The following MYL3 variants were observed in gnomAD, a reference collection of about 807,000 sequenced individuals.
MYL3 encodes the protein CMLC1.
MYL3 carries 11 observed loss-of-function variants against 21.3 expected under a neutral mutation model. The observed-to-expected ratio is 0.52, with a 90% CI of 0.32 to 0.85. The LOEUF (loss-of-function observed/expected upper bound fraction) is 0.85, where lower values mean the gene tolerates loss of function less well. MYL3 is among the 40% of genes least tolerant of loss of function. MYL3 has a pLI of 0.03. For missense variants in MYL3, 206 were observed against 253.3 expected (o/e 0.81, Z 1.27); for synonymous variants, 88 against 91.6 (o/e 0.96, Z 0.22).
At chr3:46,862,673 T>C (rs1010354973) in intron 1 of MYL3, among the ~76,000 whole-genome samples, 20 of 152,206 alleles carry the variant, frequency 1.3e-4, no homozygotes, top group Non-Finnish European at 1.5e-5. Flanking sequence ...CTGGGGCCAC[T>C]GGTCATAGCT....
In MYL3 at chr3:46,863,313, G is replaced by A. The variant is rs764784092; in HGVS notation, c.78C>T (p.Pro26=). Residue 26 remains proline, a synonymous_variant, in exon 1 of 7, where the codon CCC becomes CCT. Transcript: ENST00000292327. Reference sequence around the variant, plus strand: ...CCTCCTTAGGGCGCTCAGGCTCAGGGGGAGGTGCGGGAGCTGGAGCTGCCT... The same window carrying A: ...CCTCCTTAGGGCGCTCAGGCTCAGGAGGAGGTGCGGGAGCTGGAGCTGCCT... The part of the protein sequence containing the change: ...APKAAPAPAP[P]PEPERPKEVE... The A allele has an allele frequency of 7.4e-6, 12 of 1,614,062 alleles. No homozygotes were observed. Among genetic ancestry groups the A allele is most frequent in the Non-Finnish European group, 7.6e-6 (9 of 1,180,024 alleles).
chr3:46,860,444 T>A lies in MYL3; in HGVS notation c.307+232A>T, dbSNP rs1701978552. ...CGACCTTCTCACTTCTCCATAGGTGTCAGCGCCTACCACCAGGGGGCCTGG... is the reference window on the plus strand; with the variant it reads ...CGACCTTCTCACTTCTCCATAGGTGACAGCGCCTACCACCAGGGGGCCTGG... On this transcript the variant is annotated intron_variant, in intron 3 of 6. Transcript: ENST00000292327. This position sits in a 1 kb window ranked among gnomAD's most constrained non-coding sequence, Gnocchi z 4.6. Among the ~76,000 whole-genome samples, 1 of 152,186 alleles carries A rather than the reference T, an allele frequency of 6.6e-6. No individual in the cohort carries two copies. Among genetic ancestry groups the A allele is most frequent in the South Asian group, 2.1e-4 (1 of 4,828 alleles).
Position 46,861,551 on chromosome 3 carries a change from G to A in MYL3, c.130-564C>T, listed in dbSNP as rs886495802. Among the ~76,000 whole-genome samples, 2 of 152,136 alleles carry A rather than the reference G, an allele frequency of 1.3e-5. No homozygotes were observed. The highest frequency in any genetic ancestry group is 2.4e-5 in the African/African-American group (1 of 41,418). ...CTCACAGAGCCCCCTAAGCCCTAAA[G>A]ACCAGGCAGTCACTCACCAGCCCCA... is the stretch of plus-strand genomic sequence containing the variant. On this transcript the variant is annotated intron_variant, in intron 1 of 6. Coordinates refer to ENST00000292327, the MANE Select transcript of MYL3 (RefSeq NM_000258.3). This position sits in a 1 kb window ranked among gnomAD's most constrained non-coding sequence, Gnocchi z 4.2.
In MYL3 at chr3:46,874,061, G is replaced by A. The variant is rs1428053103; in HGVS notation, c.-217-7461C>T. 2.0e-5 allele frequency among the ~76,000 whole-genome samples: 3 copies of A among 152,242 alleles called. No individual in the cohort carries two copies. Among genetic ancestry groups the A allele is most frequent in the Non-Finnish European group, 2.9e-5 (2 of 68,042 alleles). ...GCTCACCTCAGAGGGCACGGGTGTC[G>A]GAAGGCCTGGAGACTTGCTCTGGAT... On this transcript the variant is annotated intron_variant, in intron 1 of 3. Transcript: ENST00000431168. This position sits in a 1 kb window ranked among gnomAD's most constrained non-coding sequence, Gnocchi z 4.1.
chr3:46,875,792 G>A (rs565953388), intron 1 of MYL3, among the ~76,000 whole-genome samples: 1 of 152,336 alleles, frequency 6.6e-6, no homozygotes, highest in South Asian at 2.1e-4. Flanking sequence ...TTGGCATCCA[G>A]GCGTTCTGAA....
At chr3:46,868,457 C>T (rs565700973) in intron 1 of MYL3, among the ~76,000 whole-genome samples, 13 of 152,232 alleles carry the variant, frequency 8.5e-5, no homozygotes, top group Admixed American at 2.6e-4. Flanking sequence ...GATGCTCCAA[C>T]CTTGTGGTTC....
upstream of MYL3, among the ~76,000 whole-genome samples, chr3:46,866,142 C>A (rs1702046815): frequency 6.6e-6 from 1 of 152,006 alleles, no homozygotes; most frequent in Non-Finnish European, 1.5e-5. Flanking sequence ...CAGCAGTTGG[C>A]GGTAAGAACA....
At chr3:46,877,960 T>C (rs1365201576) in intron 1 of MYL3, 1 of 152,284 alleles carries the variant, frequency 6.6e-6, no homozygotes, top group Non-Finnish European at 1.5e-5. Flanking sequence ...AGACAAGACA[T>C]GCCCGCATGG....
intron 1 of MYL3, among the ~76,000 whole-genome samples, chr3:46,881,917 C>T (rs2030597758): frequency 6.6e-6 from 1 of 152,094 alleles, no homozygotes; most frequent in African/African-American, 2.4e-5. Flanking sequence ...CTTCTCGGCT[C>T]AGGGTCTCTA....
upstream of MYL3, among the ~76,000 whole-genome samples, chr3:46,864,279 T>C (rs1392512355): frequency 1.3e-5 from 2 of 152,050 alleles, no homozygotes; most frequent in Non-Finnish European, 2.9e-5. The surrounding 1 kb of genome is among the most constrained non-coding windows in gnomAD (Gnocchi z 4.7). Flanking sequence ...CAGGCAGCTG[T>C]AGCCCTGGCT....
chr3:46,863,678 C>T (rs1405846297), upstream of MYL3, among the ~76,000 whole-genome samples: 5 of 152,270 alleles, frequency 3.3e-5, no homozygotes, highest in Admixed American at 3.3e-4. Context: ...ACAAAGGCCA[C>T]TGCTTAACAC....
At chr3:46,867,550 C>G (rs1702057975), upstream of MYL3, among the ~76,000 whole-genome samples, 1 of 152,240 alleles carries the variant, frequency 6.6e-6, no homozygotes, top group African/African-American at 2.4e-5. Flanking sequence ...GAGGTAAGGG[C>G]CAGCTGTCCC....
upstream of MYL3, among the ~76,000 whole-genome samples, chr3:46,864,982 G>C (rs575806546): frequency 6.6e-6 from 1 of 152,314 alleles, no homozygotes; most frequent in South Asian, 2.1e-4. The surrounding 1 kb of genome is among the most constrained non-coding windows in gnomAD (Gnocchi z 4.7). Flanking sequence ...AGGTGCTCCT[G>C]GTTACTTTTA....
chr3:46,878,358 C>CGA (rs150092726), intron 1 of MYL3, among the ~76,000 whole-genome samples: 2,610 of 152,230 alleles, frequency 0.017, 73 homozygotes, highest in African/African-American at 0.058. Flanking sequence ...GCCTAGAAGC[C>CGA]GAGAGAGGTC....
intron 1 of MYL3, among the ~76,000 whole-genome samples, chr3:46,871,341 G>A (rs1307466231): frequency 6.6e-6 from 1 of 152,098 alleles, no homozygotes; most frequent in Non-Finnish European, 1.5e-5. Context: ...GTTCACAGAA[G>A]GGGAAACAGA....
At position 46,859,684 on chromosome 3, in the gene MYL3, G is replaced by T; in HGVS notation, c.308-36C>A. On this transcript the variant is annotated intron_variant, in intron 3 of 6. Transcript: ENST00000292327. The surrounding 1 kb of genome is among the most constrained non-coding windows in gnomAD (Gnocchi z 4.1). ...ATGGTCCCAGGTTCCAGGGTCTAAG[G>T]CTGGGGTGGGCACACCCCTCCCCCA... is the stretch of plus-strand genomic sequence containing the variant. The T allele has an allele frequency of 6.2e-7, 1 of 1,612,448 alleles. No individual in the cohort carries two copies. Among genetic ancestry groups the T allele is most frequent in the Non-Finnish European group, 8.5e-7 (1 of 1,178,596 alleles).
intron 1 of MYL3, among the ~76,000 whole-genome samples, chr3:46,871,821 C>T (rs573471077): frequency 1.5e-4 from 23 of 152,348 alleles, no homozygotes; most frequent in African/African-American, 5.3e-4. Flanking sequence ...GAGGTAAATA[C>T]CTCTGTGCCC....
chr3:46,864,174 G>A (rs1242300447), upstream of MYL3, among the ~76,000 whole-genome samples: 1 of 152,034 alleles, frequency 6.6e-6, no homozygotes, highest in African/African-American at 2.4e-5. This position sits in a 1 kb window ranked among gnomAD's most constrained non-coding sequence, Gnocchi z 4.7. Context: ...TGCGTGGTGT[G>A]TCTATGTGTC....
In MYL3 at chr3:46,859,451, G is replaced by C; in HGVS notation, c.481+24C>G. ...CCAGGATGTCCCTGGAAGGAGTTGG[G>C]GTAGGGGAGGAGGCTGCCCTCACCC... On this transcript the variant is annotated intron_variant, in intron 4 of 6. Transcript: ENST00000292327. The surrounding 1 kb of genome is among the most constrained non-coding windows in gnomAD (Gnocchi z 4.1). The C allele has an allele frequency of 6.2e-7, 1 of 1,613,804 alleles. No homozygotes were observed.
Sources: gnomAD v4.1 joint callset for allele counts (sites outside exome capture counted in the v4.1 genomes callset) on GRCh38, gnomAD v4.1.1 for gene constraint, Gnocchi (gnomAD v3.1) non-coding constraint, MANE v1.5 for transcripts, NCBI Gene and HGNC (gene_info 2026-07-23, HGNC 2026-07-21) for gene names.